The following DAB1 variants were observed in gnomAD, a reference collection of about 807,000 sequenced individuals.
The protein encoded by DAB1 is DAB adaptor protein 1.
DAB1 carries 15 observed loss-of-function variants against 64.6 expected under a neutral mutation model. The ratio of observed to expected loss-of-function variants is 0.23; its 90% CI spans 0.16 to 0.36. The LOEUF (loss-of-function observed/expected upper bound fraction) is 0.36. Ranked by LOEUF, DAB1 falls within the 10% of genes least tolerant of loss-of-function variation. The pLI is 1.00. For missense variants in DAB1, 596 were observed against 706.7 expected, an observed-to-expected ratio of 0.84 and a Z score of 1.78; for synonymous variants, 235 against 251.9, an observed-to-expected ratio of 0.93 and a Z score of 0.64.
At chr1:57,498,540 G>C (rs1345157517) in intron 7 of DAB1, among the ~76,000 whole-genome samples, 1 of 152,190 alleles carries the variant, frequency 6.6e-6, no homozygotes, top group Non-Finnish European at 1.5e-5. Flanking sequence ...TGGCACAGTG[G>C]TCAAGGAAGA....
At position 58,154,303 on chromosome 1, in the gene DAB1, C is replaced by T. The variant is rs1443435140; in HGVS notation, n.310-3715G>A. ...TAGAAAAACCCAACACAATGGCTGT[C>T]ATGGTGTTGGGTCAGCCACTGAAGG... On this transcript the variant is annotated intron_variant and non_coding_transcript_variant, in intron 4 of 20. Transcript: ENST00000485760. Among the ~76,000 whole-genome samples the T allele has an allele frequency of 2.6e-5, 4 of 152,184 alleles. No individual in the cohort carries two copies. The South Asian group carries it at 8.3e-4, about 32-fold the overall frequency.
chr1:58,503,100 A>G (rs1214352810), intron 3 of DAB1, among the ~76,000 whole-genome samples: 3 of 152,228 alleles, frequency 2.0e-5, no homozygotes, highest in African/African-American at 7.2e-5. Context: ...ACAACTCAGA[A>G]TTTAGGAGTC....
Position 58,507,339 on chromosome 1 carries a change from T to C in DAB1, n.108-1130A>G, listed in dbSNP as rs566824724. Reference sequence around the variant, plus strand: ...CTCAAAAAGATTTATAATAGTGTAATTGTGAAACCCCAAAAGGCAAATATA... The same window carrying C: ...CTCAAAAAGATTTATAATAGTGTAACTGTGAAACCCCAAAAGGCAAATATA... On this transcript the variant is annotated intron_variant and non_coding_transcript_variant, in intron 2 of 20. Coordinates refer to the DAB1 transcript ENST00000485760. 2.6e-5 allele frequency among the ~76,000 whole-genome samples: 4 copies of C among 152,068 alleles called. No individual in the cohort carries two copies. In the South Asian group the frequency reaches 6.2e-4, roughly 24 times the overall value.
chr1:57,092,607 CCTT>C (rs1653792094), intron 4 of DAB1, among the ~76,000 whole-genome samples: 1 of 147,736 alleles, frequency 6.8e-6, no homozygotes, highest in African/African-American at 2.5e-5. Flanking sequence ...AATGAAACCT[CCTT>C]CTTTATAAAT....
intron 2 of DAB1, among the ~76,000 whole-genome samples, chr1:57,146,526 A>G (rs1659152506): frequency 6.6e-6 from 1 of 150,502 alleles, no homozygotes; most frequent in South Asian, 2.1e-4. Flanking sequence ...CTATCTACAG[A>G]TGTGCAAACT....
intron 6 of DAB1, among the ~76,000 whole-genome samples, chr1:57,772,387 A>C (rs1236002083): frequency 6.6e-6 from 1 of 152,192 alleles, no homozygotes; most frequent in Non-Finnish European, 1.5e-5. Flanking sequence ...AGTTTCAGAT[A>C]TTCTGTTATA....
chr1:57,344,378 G>A (rs1023519979), intron 1 of DAB1, among the ~76,000 whole-genome samples: 1 of 152,234 alleles, frequency 6.6e-6, no homozygotes, highest in Non-Finnish European at 1.5e-5. Flanking sequence ...CTATGCCATC[G>A]TGGTGGTGCT....
chr1:57,283,931 C>T (rs1258520851), intron 2 of DAB1, among the ~76,000 whole-genome samples: 4 of 152,142 alleles, frequency 2.6e-5, no homozygotes, highest in Non-Finnish European at 4.4e-5. Flanking sequence ...CTTCTTATAA[C>T]CTTTTATATA....
chr1:57,453,651 T>C (rs537045792), intron 7 of DAB1, among the ~76,000 whole-genome samples: 95 of 152,256 alleles, frequency 6.2e-4, no homozygotes, highest in African/African-American at 2.2e-3. Flanking sequence ...ACAACAGAAA[T>C]TAATTTTCTC....
chr1:57,733,289 T>C (rs1647525673), intron 6 of DAB1, among the ~76,000 whole-genome samples: 1 of 151,856 alleles, frequency 6.6e-6, no homozygotes, highest in Non-Finnish European at 1.5e-5. Flanking sequence ...TAATGTACTA[T>C]ATACTTTACT....
At chr1:57,764,246 T>C (rs773792952) in intron 6 of DAB1, among the ~76,000 whole-genome samples, 1 of 152,176 alleles carries the variant, frequency 6.6e-6, no homozygotes, top group Non-Finnish European at 1.5e-5. Flanking sequence ...ATTTGGTTGC[T>C]CAGTCCTGAG....
At chr1:57,748,001 G>A (rs1456724303) in intron 6 of DAB1, among the ~76,000 whole-genome samples, 1 of 151,940 alleles carries the variant, frequency 6.6e-6, no homozygotes. Context: ...CTAGAGTCTT[G>A]ATCATTATTG....
intron 1 of DAB1, among the ~76,000 whole-genome samples, chr1:57,369,847 A>G (rs2100930684): frequency 6.6e-6 from 1 of 152,352 alleles, no homozygotes; most frequent in South Asian, 2.1e-4. Flanking sequence ...TGTTATAACG[A>G]TCATCCTGAT....
At chr1:58,534,187 A>C in intron 1 of DAB1, 1 of 871,710 alleles carries the variant, frequency 1.1e-6, no homozygotes, top group African/African-American at 1.6e-5. Context: ...ATAATTGGGG[A>C]ATCAACCACA....
At chr1:58,044,879 A>G (rs908192961) in intron 5 of DAB1, among the ~76,000 whole-genome samples, 2 of 152,166 alleles carry the variant, frequency 1.3e-5, no homozygotes, top group Admixed American at 1.3e-4. Context: ...CAAACCTATA[A>G]GGCTGGTATT....
At chr1:57,948,634 G>A (rs1645219375) in intron 5 of DAB1, among the ~76,000 whole-genome samples, 2 of 152,174 alleles carry the variant, frequency 1.3e-5, no homozygotes, top group South Asian at 4.1e-4. Context: ...TTGGCCAAAG[G>A]CATTGATTCA....
rs576192542 is a variant in DAB1 at position 57,210,960 on chromosome 1, C to T, written c.68-65531G>A. Reference sequence around the variant, plus strand: ...ATCATATCAATTTCAAAATATTAGACTCTGCCATTCTAATCTGGTATTGAT... The same window carrying T: ...ATCATATCAATTTCAAAATATTAGATTCTGCCATTCTAATCTGGTATTGAT... On this transcript the variant is annotated intron_variant, in intron 2 of 14. Coordinates refer to ENST00000371236, the MANE Select transcript of DAB1 (RefSeq NM_001365792.1). Among the ~76,000 whole-genome samples the T allele has an allele frequency of 5.3e-5, 8 of 152,312 alleles. No individual in the cohort carries two copies. The South Asian group carries it at 1.7e-3, about 32-fold the overall frequency.
intron 2 of DAB1, among the ~76,000 whole-genome samples, chr1:57,254,860 TAC>T (rs895675819): frequency 2.0e-5 from 3 of 151,036 alleles, no homozygotes; most frequent in Non-Finnish European, 3.0e-5. Flanking sequence ...CACACACACA[TAC>T]ACACACACAC....
intron 7 of DAB1, among the ~76,000 whole-genome samples, chr1:57,463,451 A>G (rs541970874): frequency 4.3e-4 from 66 of 152,278 alleles, no homozygotes; most frequent in South Asian, 1.9e-3. Flanking sequence ...TTAGCTGTAC[A>G]TTTTGCCATG....
Sources: gnomAD v4.1 joint callset for allele counts (sites outside exome capture counted in the v4.1 genomes callset) on GRCh38, gnomAD v4.1.1 for gene constraint, MANE v1.5 for transcripts, NCBI Gene and HGNC (gene_info 2026-07-23, HGNC 2026-07-21) for gene names.